NAA16: variants seen among roughly 807,000 people sequenced by gnomAD.
NAA16 encodes N-alpha-acetyltransferase 16, NatA auxiliary subunit.
Under a neutral mutation model 110.3 loss-of-function variants are expected in NAA16, and 97 were observed. The observed-to-expected ratio is 0.88, with a 90% CI of 0.75 to 1.04. NAA16 has a LOEUF of 1.04. NAA16 is among the 50% of genes least tolerant of loss of function. The pLI, the probability that NAA16 is intolerant of heterozygous loss-of-function variation, is 0.00. For synonymous variants in NAA16, 372 were observed against 330.6 expected (o/e 1.13, Z -1.36); for missense variants, 1,017 against 1,005.1 (o/e 1.01, Z -0.16).
intron 15 of NAA16, 146 bp downstream of exon 15, chr13:41,369,429 T>C: frequency 3.4e-6 from 3 of 874,112 alleles, no homozygotes; most frequent in Non-Finnish European, 4.9e-6. Flanking sequence ...TATCTTTGAG[T>C]GACAGTATAC....
At chr13:41,338,080 T>G (rs2139434215) in intron 9 of NAA16, among the ~76,000 whole-genome samples, 1 of 152,352 alleles carries the variant, frequency 6.6e-6, no homozygotes, top group East Asian at 1.9e-4. Context: ...TGTAAACATG[T>G]ACCCGGTGCC....
chr13:41,316,243 C>T (rs566596545), intron 1 of NAA16, among the ~76,000 whole-genome samples: 42 of 152,206 alleles, frequency 2.8e-4, no homozygotes, highest in African/African-American at 9.6e-4. Context: ...GATTCTCCTG[C>T]CTCAGCCACC....
intron 9 of NAA16, among the ~76,000 whole-genome samples, chr13:41,348,174 A>G (rs914454562): frequency 2.0e-5 from 3 of 148,698 alleles, no homozygotes; most frequent in Non-Finnish European, 4.5e-5. Context: ...ACCAATTTTT[A>G]TTTTTTTTTT....
intron 13 of NAA16, among the ~76,000 whole-genome samples, chr13:41,365,377 G>A (rs1192303663): frequency 2.0e-5 from 3 of 151,930 alleles, no homozygotes; most frequent in African/African-American, 2.4e-5. Context: ...TGTAACCTTC[G>A]GGGGAAACTG....
Position 41,358,375 on chromosome 13 carries a change from C to A in NAA16, c.1159C>A (p.Leu387Ile). ...TTTCCTGGCACAGCACTTTGATAAA[C>A]TTGGACAGTATTCTTTGGCTTTGGA... ...QYFLAQHFDK[L>I]GQYSLALDYI... Residue 387 changes from leucine (L) to isoleucine (I), a missense_variant, in exon 11 of 20, where the codon CTT becomes ATT. Coordinates refer to ENST00000379406, the MANE Select transcript of NAA16 (RefSeq NM_024561.5). 6.2e-7 allele frequency: 1 copy of A among 1,613,902 alleles called. No homozygotes were observed. The highest frequency in any genetic ancestry group is 8.5e-7 in the Non-Finnish European group (1 of 1,179,826).
At chr13:41,321,413 G>A (rs1013512224) in intron 4 of NAA16, among the ~76,000 whole-genome samples, 2 of 152,164 alleles carry the variant, frequency 1.3e-5, no homozygotes, top group Non-Finnish European at 2.9e-5. Flanking sequence ...CTAGGCTCCA[G>A]TGATCTTCCC....
chr13:41,346,617 C>T (rs1465970088), intron 9 of NAA16, among the ~76,000 whole-genome samples: 1 of 151,892 alleles, frequency 6.6e-6, no homozygotes, highest in East Asian at 1.9e-4. Flanking sequence ...TTTAGACTGG[C>T]GGGGTGGTCT....
At chr13:41,354,918 G>A (rs1393213421) in intron 9 of NAA16, among the ~76,000 whole-genome samples, 4 of 103,904 alleles carry the variant, frequency 3.8e-5, no homozygotes, top group African/African-American at 1.5e-4. Context: ...CTTGTGAGTG[G>A]TCCATATATA....
intron 15 of NAA16, among the ~76,000 whole-genome samples, chr13:41,371,451 C>T (rs1409204601): frequency 1.3e-5 from 2 of 152,078 alleles, no homozygotes; most frequent in Non-Finnish European, 2.9e-5. Context: ...CCTCCCTTTC[C>T]ACCTCCTTCA....
In NAA16 at chr13:41,320,730, A is replaced by G. The variant is rs1401519558; in HGVS notation, c.308A>G (p.Tyr103Cys). 1 of 1,613,446 alleles carries G rather than the reference A, an allele frequency of 6.2e-7. No individual in the cohort carries two copies. Among genetic ancestry groups the G allele is most frequent in the South Asian group, 1.1e-5 (1 of 90,944 alleles). ...DKKYDEAIKC[Y>C]RNALKLDKDN... ...AAATATGATGAAGCTATAAAATGTT[A>G]CCGAAATGCCCTCAAATTAGATAAA... The change falls in exon 4 of 20, where the codon TAC (tyrosine) becomes TGC (cysteine). Residue 103 changes from tyrosine (Y) to cysteine (C), a missense_variant. Physicochemically the swap from Tyr to Cys is radical, Grantham distance 194. Coordinates refer to ENST00000379406, the MANE Select transcript of NAA16 (RefSeq NM_024561.5).
chr13:41,353,677 C>A (rs1265768388), intron 9 of NAA16, among the ~76,000 whole-genome samples: 30 of 151,284 alleles, frequency 2.0e-4, no homozygotes, highest in Non-Finnish European at 7.4e-5. Context: ...TGAGGTGGGA[C>A]AATTGCTTGA....
chr13:41,352,511 C>T lies in NAA16; in HGVS notation c.1015-2633C>T, dbSNP rs373798554. On this transcript the variant is annotated intron_variant, in intron 9 of 19. Transcript: ENST00000379406. ...CCCTACTAAAAATACAAAAATTAGC[C>T]AGGCATGGTGGTGCACACCTTTAGT... Among the ~76,000 whole-genome samples, 24 of 151,886 alleles carry T rather than the reference C, an allele frequency of 1.6e-4. No homozygotes were observed. In the East Asian group the frequency reaches 3.7e-3, roughly 23 times the overall value.
chr13:41,349,235 G>C (rs558252641), intron 9 of NAA16, among the ~76,000 whole-genome samples: 2 of 152,114 alleles, frequency 1.3e-5, no homozygotes, highest in Admixed American at 1.3e-4. Context: ...ACCCAGGCTG[G>C]AGTGTAGTGG....
At position 41,373,714 on chromosome 13, in the gene NAA16, G is replaced by T. The variant is rs747622513; in HGVS notation, c.2233G>T (p.Asp745Tyr). Residue 745 changes from aspartate (D) to tyrosine (Y), a missense_variant, in exon 18 of 20, where the codon GAT becomes TAT. Coordinates refer to ENST00000379406, the MANE Select transcript of NAA16 (RefSeq NM_024561.5). ...AATGCAGAAAATATTTGTCAAAAAG[G>T]ATTTGGAAAGTTTTAATGAGGATTT... ...QEMQKIFVKK[D>Y]LESFNEDFLK... The T allele has an allele frequency of 6.2e-7, 1 of 1,610,788 alleles. No individual in the cohort carries two copies. Among genetic ancestry groups the T allele is most frequent in the South Asian group, 1.1e-5 (1 of 90,376 alleles).
intron 9 of NAA16, among the ~76,000 whole-genome samples, chr13:41,341,558 A>G (rs1215482127): frequency 6.6e-6 from 1 of 152,030 alleles, no homozygotes; most frequent in Non-Finnish European, 1.5e-5. Context: ...TCTACAAAAA[A>G]TGAAGACAAT....
chr13:41,358,959 A>G lies in NAA16; in HGVS notation c.1407A>G (p.Thr469=). The part of the protein sequence containing the change: ...KEAEEMCSKF[T]REGTSAMENL... ...CAGAGGAAATGTGCTCCAAGTTCAC[A>G]AGGGTAGGAAATAGCATGCATGAGC... The change falls in exon 12 of 20, where the codon ACA becomes ACG. Residue 469 remains threonine, a synonymous_variant. Coordinates refer to ENST00000379406, the MANE Select transcript of NAA16 (RefSeq NM_024561.5). 2 of 1,601,568 alleles carry G rather than the reference A, an allele frequency of 1.2e-6. No individual in the cohort carries two copies. Among genetic ancestry groups the G allele is most frequent in the Non-Finnish European group, 8.5e-7 (1 of 1,171,260 alleles).
rs573992778 is a variant in NAA16, at chr13:41,375,334, T to C, written c.2398-71T>C. On this transcript the variant is annotated intron_variant, in intron 19 of 19. Coordinates refer to ENST00000379406, the MANE Select transcript of NAA16 (RefSeq NM_024561.5). Reference sequence around the variant, plus strand: ...TTCTCAATTTAACACATTGCATCTTTTGATTAAAGTGGTTATTAACTGCGA... The same window carrying C: ...TTCTCAATTTAACACATTGCATCTTCTGATTAAAGTGGTTATTAACTGCGA... The C allele has an allele frequency of 1.2e-5, 13 of 1,100,402 alleles. No individual in the cohort carries two copies. In the South Asian group the frequency reaches 1.3e-4, roughly 11 times the overall value. The allele number at this position is 1,100,402 out of a possible 1,614,324, so 68.2% of individuals were successfully genotyped here.
rs948124170 is a variant in NAA16 at position 41,355,052 on chromosome 13, C to T, written c.1015-92C>T. ...AATTAATTTATAGTTCTGAAATAAGCTGTATATTTTCCAAATGTAATTTAA... is the reference window on the plus strand; with the variant it reads ...AATTAATTTATAGTTCTGAAATAAGTTGTATATTTTCCAAATGTAATTTAA... On this transcript the variant is annotated intron_variant, in intron 9 of 19. Coordinates refer to ENST00000379406, the MANE Select transcript of NAA16 (RefSeq NM_024561.5). 10 of 730,622 alleles carry T rather than the reference C, an allele frequency of 1.4e-5. No individual in the cohort carries two copies. The Admixed American group carries it at 2.5e-4, about 18-fold the overall frequency. The allele number at this position is 730,622 out of a possible 1,614,324, so 45.3% of individuals were successfully genotyped here.
intron 10 of NAA16, among the ~76,000 whole-genome samples, chr13:41,356,567 C>T (rs1260158808): frequency 3.9e-5 from 6 of 152,040 alleles, no homozygotes; most frequent in African/African-American, 1.4e-4. Context: ...ATACCCAGTC[C>T]GCATTCACAT....
Sources: allele counts gnomAD v4.1 joint callset (sites outside exome capture counted in the v4.1 genomes callset), GRCh38; gene constraint gnomAD v4.1.1; transcripts MANE v1.5; gene names NCBI Gene and HGNC (gene_info 2026-07-23, HGNC 2026-07-21).